Variants in PTPRD observed in about 807,000 individuals in gnomAD.
The protein encoded by PTPRD is receptor-type tyrosine-protein phosphatase delta.
Under a neutral mutation model 214.5 loss-of-function variants are expected in PTPRD, and 34 were observed. The ratio of observed to expected loss-of-function variants is 0.16; its 90% CI spans 0.12 to 0.21. The LOEUF (loss-of-function observed/expected upper bound fraction) is 0.21, where lower values mean the gene tolerates loss of function less well. Among genes scored for constraint, PTPRD ranks in the 10% least tolerant of loss-of-function variants. The probability of loss-of-function intolerance (pLI) is 1.00; values close to 1 mark genes in which losing one functional copy is unlikely to be tolerated. For missense variants in PTPRD, 2,545 were observed against 2,398.7 expected, an observed-to-expected ratio of 1.06 and a Z score of -1.27; for synonymous variants, 1,128 against 845.7, an observed-to-expected ratio of 1.33 and a Z score of -5.79.
chr9:9,162,727 G>A (rs2099892593), intron 10 of PTPRD, among the ~76,000 whole-genome samples: 1 of 152,010 alleles, frequency 6.6e-6, no homozygotes, highest in Non-Finnish European at 1.5e-5. Flanking sequence ...ACCTCTGCAA[G>A]TACTATTTTT....
intron 8 of PTPRD, among the ~76,000 whole-genome samples, chr9:9,563,028 T>C (rs1771085131): frequency 1.3e-5 from 2 of 152,182 alleles, no homozygotes; most frequent in Non-Finnish European, 2.9e-5. Flanking sequence ...AGAACATTTT[T>C]AATAAATCAC....
intron 10 of PTPRD, among the ~76,000 whole-genome samples, chr9:9,037,436 A>T (rs1337019868): frequency 6.6e-6 from 1 of 152,200 alleles, no homozygotes; most frequent in Non-Finnish European, 1.5e-5. Flanking sequence ...GACCTTCTCC[A>T]GGGTGAACTT....
At chr9:8,732,641 C>A (rs994784034) in intron 12 of PTPRD, among the ~76,000 whole-genome samples, 1 of 152,152 alleles carries the variant, frequency 6.6e-6, no homozygotes, top group Admixed American at 6.5e-5. Flanking sequence ...ACATTATTAA[C>A]CAGAGAATGT....
intron 30 of PTPRD, among the ~76,000 whole-genome samples, chr9:8,481,805 C>T (rs1008033015): frequency 7.7e-5 from 11 of 142,308 alleles, no homozygotes; most frequent in African/African-American, 2.4e-4. Flanking sequence ...TTTTTTGAGA[C>T]GGAGTATACC....
Position 8,483,845 on chromosome 9 carries a change from G to C in PTPRD, c.3413+274C>G, listed in dbSNP as rs556154633. Among the ~76,000 whole-genome samples, 8 of 152,280 alleles carry C rather than the reference G, an allele frequency of 5.3e-5. No individual in the cohort carries two copies. The South Asian group carries it at 1.4e-3, about 28-fold the overall frequency. ...AAACAAACAAAAAGCTTTGTAGTAAGAACCATGTTCTATATGTTTTTCTGT... is the reference window on the plus strand; with the variant it reads ...AAACAAACAAAAAGCTTTGTAGTAACAACCATGTTCTATATGTTTTTCTGT... On this transcript the variant is annotated intron_variant, in intron 30 of 45. Coordinates refer to ENST00000381196, the MANE Select transcript of PTPRD (RefSeq NM_002839.4).
At chr9:8,803,099 T>C (rs148805835) in intron 11 of PTPRD, among the ~76,000 whole-genome samples, 3 of 152,092 alleles carry the variant, frequency 2.0e-5, no homozygotes, top group East Asian at 1.9e-4. Flanking sequence ...ATAATAATTA[T>C]ACTTACCTCC....
intron 8 of PTPRD, among the ~76,000 whole-genome samples, chr9:9,560,177 T>A (rs1460731415): frequency 6.6e-6 from 1 of 152,230 alleles, no homozygotes; most frequent in South Asian, 2.1e-4. Flanking sequence ...TGTACATGAC[T>A]GTGGACCTTA....
chr9:8,419,107 G>A (rs150637609), intron 35 of PTPRD, among the ~76,000 whole-genome samples: 1,773 of 151,742 alleles, frequency 0.012, 39 homozygotes, highest in African/African-American at 0.041. Flanking sequence ...TGTAGTCCCA[G>A]CTACTTGGGA....
chr9:8,497,546 T>C lies in PTPRD; in HGVS notation c.2323-278A>G, dbSNP rs1050373295. Among the ~76,000 whole-genome samples the C allele has an allele frequency of 1.4e-4, 21 of 152,344 alleles. No individual in the cohort carries two copies. In the Middle Eastern group the frequency reaches 0.024, roughly 173 times the overall value. On this transcript the variant is annotated intron_variant, in intron 25 of 45. Coordinates refer to ENST00000381196, the MANE Select transcript of PTPRD (RefSeq NM_002839.4). ...AGCAATGAGGCACAGAAAAAGTTAATGTTTCTAATCATATCCTACTCGTAT... is the reference window on the plus strand; with the variant it reads ...AGCAATGAGGCACAGAAAAAGTTAACGTTTCTAATCATATCCTACTCGTAT...
At chr9:9,469,195 G>T (rs1490304326) in intron 8 of PTPRD, among the ~76,000 whole-genome samples, 3 of 151,896 alleles carry the variant, frequency 2.0e-5, no homozygotes, top group Admixed American at 6.6e-5. Context: ...AATGCTAATG[G>T]ATATATGTTA....
At chr9:10,006,869 A>T (rs2096488349) in intron 4 of PTPRD, among the ~76,000 whole-genome samples, 1 of 151,992 alleles carries the variant, frequency 6.6e-6, no homozygotes, top group African/African-American at 2.4e-5. Flanking sequence ...AATATGGAAC[A>T]AGGCTATTCT....
intron 2 of PTPRD, among the ~76,000 whole-genome samples, chr9:10,477,650 T>C (rs2099071755): frequency 1.3e-5 from 2 of 152,132 alleles, no homozygotes; most frequent in Admixed American, 1.3e-4. Flanking sequence ...CAAAGGATTA[T>C]AAATCATTCT....
intron 5 of PTPRD, among the ~76,000 whole-genome samples, chr9:9,937,024 A>G (rs1033056854): frequency 6.6e-6 from 1 of 152,048 alleles, no homozygotes; most frequent in Middle Eastern, 3.4e-3. Flanking sequence ...GAATTGAACA[A>G]TGAGATCACA....
chr9:9,191,708 A>G (rs1450216198), intron 9 of PTPRD, among the ~76,000 whole-genome samples: 1 of 152,082 alleles, frequency 6.6e-6, no homozygotes, highest in Non-Finnish European at 1.5e-5. Flanking sequence ...CACTATGTGA[A>G]CCAAAAGCCA....
chr9:10,251,151 C>G (rs1373419862), intron 3 of PTPRD, among the ~76,000 whole-genome samples: 2 of 152,064 alleles, frequency 1.3e-5, no homozygotes, highest in East Asian at 3.9e-4. Flanking sequence ...AATTAAATAA[C>G]ATGTTCAATT....
intron 8 of PTPRD, among the ~76,000 whole-genome samples, chr9:9,485,373 T>C (rs1276667900): frequency 1.3e-5 from 2 of 152,218 alleles, no homozygotes; most frequent in Non-Finnish European, 2.9e-5. Flanking sequence ...TAAAAAATAA[T>C]ATTCATAAAT....
chr9:9,623,605 C>T (rs936663554), intron 7 of PTPRD, among the ~76,000 whole-genome samples: 14 of 152,064 alleles, frequency 9.2e-5, no homozygotes, highest in Admixed American at 2.6e-4. Context: ...AGTGTCACAC[C>T]GTGGGAAATA....
intron 10 of PTPRD, among the ~76,000 whole-genome samples, chr9:9,113,385 A>G (rs1469821761): frequency 6.6e-6 from 1 of 152,124 alleles, no homozygotes; most frequent in East Asian, 1.9e-4. Flanking sequence ...AGGTACTAAC[A>G]AATAAAGGGG....
chr9:8,842,173 G>A (rs915260747), intron 11 of PTPRD, among the ~76,000 whole-genome samples: 58 of 151,968 alleles, frequency 3.8e-4, no homozygotes, highest in African/African-American at 1.4e-3. Flanking sequence ...AACCTGTGAC[G>A]CTCCCTGTAG....
Sources: gnomAD v4.1 joint callset for allele counts (sites outside exome capture counted in the v4.1 genomes callset) on GRCh38, gnomAD v4.1.1 for gene constraint, MANE v1.5 for transcripts, NCBI Gene and HGNC (gene_info 2026-07-23, HGNC 2026-07-21) for gene names.